Variants in KIF13B observed in about 807,000 individuals in gnomAD.
KIF13B encodes kinesin family member 13B.
KIF13B carries 127 observed loss-of-function variants against 222.0 expected under a neutral mutation model. The ratio of observed to expected loss-of-function variants is 0.57; its 90% CI spans 0.50 to 0.66. The LOEUF is 0.66. KIF13B is among the 30% of genes least tolerant of loss of function. The pLI is 0.00. For missense variants in KIF13B, 2,173 were observed against 2,379.0 expected (o/e 0.91, Z 1.80); for synonymous variants, 976 against 919.0 (o/e 1.06, Z -1.12).
intron 2 of KIF13B, among the ~76,000 whole-genome samples, chr8:29,216,936 G>A (rs1446000666): frequency 1.3e-5 from 2 of 150,726 alleles, no homozygotes; most frequent in Non-Finnish European, 2.9e-5. Flanking sequence ...ATCTGGGCCT[G>A]TGTCCATCGA....
chr8:29,099,994 C>T (rs1563699302), intron 35 of KIF13B, among the ~76,000 whole-genome samples: 1 of 152,222 alleles, frequency 6.6e-6, no homozygotes, highest in East Asian at 1.9e-4. Context: ...TACTCCCAGA[C>T]TGTGTTTCCA....
intron 13 of KIF13B, among the ~76,000 whole-genome samples, chr8:29,156,591 T>C (rs1035407361): frequency 1.3e-5 from 2 of 151,966 alleles, no homozygotes; most frequent in Non-Finnish European, 2.9e-5. Flanking sequence ...CCATGCTCAC[T>C]AAACCTCACC....
intron 36 of KIF13B, among the ~76,000 whole-genome samples, chr8:29,098,695 G>T (rs1808654086): frequency 1.3e-5 from 2 of 150,420 alleles, no homozygotes; most frequent in African/African-American, 4.9e-5. Context: ...GGAATTTCAT[G>T]AAACATTTAA....
At chr8:29,258,395 G>C (rs1816563074) in intron 1 of KIF13B, among the ~76,000 whole-genome samples, 1 of 152,136 alleles carries the variant, frequency 6.6e-6, no homozygotes, top group Non-Finnish European at 1.5e-5. Flanking sequence ...CTTGCTTTGG[G>C]ATCTAGCAAT....
chr8:29,091,126 T>C (rs1174084491), intron 37 of KIF13B, among the ~76,000 whole-genome samples: 1 of 152,196 alleles, frequency 6.6e-6, no homozygotes, highest in Admixed American at 6.5e-5. Flanking sequence ...AGTAAATGAA[T>C]AAAAATTGCT....
chr8:29,075,135 G>T (rs1205278021), intron 38 of KIF13B, 146 bp downstream of exon 38: 1 of 675,096 alleles, frequency 1.5e-6, no homozygotes, highest in African/African-American at 1.8e-5. Flanking sequence ...AAAATAGAGA[G>T]GGAGAAGGCA....
chr8:29,097,319 C>G (rs1347226740), intron 36 of KIF13B, among the ~76,000 whole-genome samples: 1 of 151,888 alleles, frequency 6.6e-6, no homozygotes, highest in African/African-American at 2.4e-5. Context: ...TAATTAGAAG[C>G]TAATTATCAG....
At chr8:29,232,716 T>C (rs758931384) in intron 2 of KIF13B, among the ~76,000 whole-genome samples, 1 of 152,196 alleles carries the variant, frequency 6.6e-6, no homozygotes, top group Non-Finnish European at 1.5e-5. Context: ...CAACAGTGAT[T>C]TGTCAAAGGC....
intron 7 of KIF13B, among the ~76,000 whole-genome samples, chr8:29,180,946 C>CA (rs1021223669): frequency 1.3e-5 from 2 of 152,068 alleles, no homozygotes; most frequent in African/African-American, 4.8e-5. Context: ...AATGTATGTG[C>CA]AAAAGTCGAC....
intron 26 of KIF13B, among the ~76,000 whole-genome samples, chr8:29,124,952 A>C (rs1185910365): frequency 2.0e-5 from 3 of 151,898 alleles, no homozygotes; most frequent in African/African-American, 7.3e-5. Flanking sequence ...TGGGAGGCTG[A>C]GGCAAGAGAA....
chr8:29,167,722 GGT>G, intron 10 of KIF13B, 137 bp from the exon 11 acceptor site: 1 of 682,830 alleles, frequency 1.5e-6, no homozygotes, highest in South Asian at 1.8e-5. Flanking sequence ...CTAAAATGCA[GGT>G]GTATGGACTC....
chr8:29,262,758 C>A (rs1300428084), intron 1 of KIF13B, among the ~76,000 whole-genome samples: 2 of 149,184 alleles, frequency 1.3e-5, no homozygotes, highest in Non-Finnish European at 3.0e-5. Flanking sequence ...CACGAGGGGC[C>A]CGACGGCGCC....
intron 2 of KIF13B, among the ~76,000 whole-genome samples, chr8:29,210,899 G>C (rs1814191748): frequency 1.3e-5 from 2 of 152,218 alleles, no homozygotes; most frequent in Non-Finnish European, 2.9e-5. Context: ...TGCAGGAAAA[G>C]AGGTACCTGG....
chr8:29,116,632 G>A (rs1809609375), intron 31 of KIF13B, among the ~76,000 whole-genome samples, 199 bp downstream of exon 31: 1 of 152,186 alleles, frequency 6.6e-6, no homozygotes, highest in Admixed American at 6.5e-5. Context: ...AAGATTCAGT[G>A]TAAAAATACT....
intron 36 of KIF13B, among the ~76,000 whole-genome samples, chr8:29,096,426 A>G (rs1223725659): frequency 6.7e-6 from 1 of 149,476 alleles, no homozygotes; most frequent in African/African-American, 2.5e-5. Flanking sequence ...CAGCCTCCTG[A>G]GTAGAGGGAC....
intron 2 of KIF13B, among the ~76,000 whole-genome samples, chr8:29,216,936 G>C (rs1446000666): frequency 6.6e-6 from 1 of 150,726 alleles, no homozygotes; most frequent in African/African-American, 2.5e-5. Flanking sequence ...ATCTGGGCCT[G>C]TGTCCATCGA....
chr8:29,101,658 A>G (rs1808791245), intron 35 of KIF13B, among the ~76,000 whole-genome samples: 1 of 152,114 alleles, frequency 6.6e-6, no homozygotes, highest in Admixed American at 6.5e-5. Context: ...GAGCGTGACA[A>G]ACAGAGACAC....
At chr8:29,231,074 T>G (rs1382542153) in intron 2 of KIF13B, among the ~76,000 whole-genome samples, 2 of 151,924 alleles carry the variant, frequency 1.3e-5, no homozygotes, top group Non-Finnish European at 2.9e-5. Flanking sequence ...GAGACAGGGT[T>G]TCACCATGTT....
chr8:29,080,427 G>C, intron 37 of KIF13B, among the ~76,000 whole-genome samples: 1 of 152,036 alleles, frequency 6.6e-6, no homozygotes. Context: ...CAGGGGCCTG[G>C]AAGAGAGGAA....
Sources: allele counts gnomAD v4.1 joint callset (sites outside exome capture counted in the v4.1 genomes callset), GRCh38; gene constraint gnomAD v4.1.1; transcripts MANE v1.5; gene names NCBI Gene and HGNC (gene_info 2026-07-23, HGNC 2026-07-21).